MAP3K19: variants seen among roughly 807,000 people sequenced by gnomAD.
MAP3K19 encodes SPS1/STE20-related protein kinase YSK4.
A neutral mutation model predicts 114.4 loss-of-function variants in MAP3K19; 91 were observed. The ratio of observed to expected loss-of-function variants is 0.80; its 90% confidence interval spans 0.67 to 0.95. The LOEUF (loss-of-function observed/expected upper bound fraction) is 0.95. Ranked by LOEUF, MAP3K19 falls within the 40% of genes least tolerant of loss-of-function variation. The pLI, the probability that MAP3K19 is intolerant of heterozygous loss-of-function variation, is 0.00. For synonymous variants in MAP3K19, 518 were observed against 530.5 expected, an observed-to-expected ratio of 0.98 and a Z score of 0.32; for missense variants, 1,471 against 1,573.2, an observed-to-expected ratio of 0.94 and a Z score of 1.10.
chr2:135,036,637 ATGTGTGTGTGTGTGTGTGTGTGTGTGTG>A (rs57859657), intron 2 of MAP3K19, among the ~76,000 whole-genome samples: 18 of 140,296 alleles, frequency 1.3e-4, no homozygotes, highest in African/African-American at 4.2e-4. Context: ...GTTCAACATT[ATGTGTGTGTGTGTGTGTGTGTGTGTGTG>A]TGTGTGTGTG....
chr2:135,046,120 C>T (rs186858270), intron 1 of MAP3K19, among the ~76,000 whole-genome samples: 1 of 152,154 alleles, frequency 6.6e-6, no homozygotes, highest in East Asian at 1.9e-4. Flanking sequence ...TTTGTAGAGA[C>T]AGAGTCTCAC....
rs557761734 is a variant in MAP3K19 at position 134,983,763 on chromosome 2, C to A, written c.3135G>T (p.Lys1045Asn). The change falls in exon 11 of 13, where the codon AAG becomes AAT. Residue 1045 changes from lysine (K) to asparagine (N), a missense_variant. By Grantham distance (94) the Lys-to-Asn change is moderately conservative. Transcript: ENST00000392915. ...TTAAACTATTTTCAGAAAATATCTT[C>A]TTTTCATTTGAGATGAGAAATTTCT... ...REEKFLISNE[K>N]KIFSENSLKS... 4 of 1,606,598 alleles carry A rather than the reference C, an allele frequency of 2.5e-6. No individual in the cohort carries two copies. The Admixed American group carries it at 5.1e-5, about 21-fold the overall frequency.
rs79527370 is a variant in MAP3K19, at chr2:135,017,924, A to T, written c.138+3791T>A. Among the ~76,000 whole-genome samples, 1,079 of 152,344 alleles carry T rather than the reference A, an allele frequency of 7.1e-3. 12 individuals carry two copies. Among genetic ancestry groups the T allele is most frequent in the African/African-American group, 0.024 (1,009 of 41,564 alleles). On this transcript the variant is annotated intron_variant, in intron 5 of 12. Coordinates refer to ENST00000392915, the MANE Select transcript of MAP3K19 (RefSeq NM_025052.5). ...GTACCACTAAAAATGACAAAACGGT[A>T]CCAATTTGACAGTGACAATTTTAAG...
chr2:135,032,790 T>C (rs1165655590), intron 2 of MAP3K19, among the ~76,000 whole-genome samples: 1 of 147,854 alleles, frequency 6.8e-6, no homozygotes, highest in African/African-American at 2.5e-5. Context: ...CCCTGGGTAC[T>C]TGAGATTAGG....
At position 135,024,757 on chromosome 2, in the gene MAP3K19, T is replaced by A; in HGVS notation, c.-94-16A>T. The A allele has an allele frequency of 2.2e-6, 2 of 915,058 alleles. No individual in the cohort carries two copies. Among genetic ancestry groups the A allele is most frequent in the Non-Finnish European group, 3.5e-6 (2 of 575,694 alleles). The allele number at this position is 915,058 out of a possible 1,614,324, so 56.7% of individuals were successfully genotyped here. ...TTTAGGATCTCTAGGAAGAACAGAATCAACATTAAAGTTTATTTAGTTGAA... is the reference window on the plus strand; with the variant it reads ...TTTAGGATCTCTAGGAAGAACAGAAACAACATTAAAGTTTATTTAGTTGAA... On this transcript the variant is annotated splice_polypyrimidine_tract_variant and intron_variant, in intron 3 of 12. Transcript: ENST00000392915.
rs778827988 is a variant in MAP3K19, at chr2:134,991,523, A to T, written c.618+14T>A. 3.7e-6 allele frequency: 6 copies of T among 1,611,010 alleles called. No individual in the cohort carries two copies. The Admixed American group carries it at 1.0e-4, about 27-fold the overall frequency. Reference sequence around the variant, plus strand: ...TTTTAATTCTCAAGTCAAAAATGCTAGCACTAATCTTACCTTGATGCTTCG... The same window carrying T: ...TTTTAATTCTCAAGTCAAAAATGCTTGCACTAATCTTACCTTGATGCTTCG... On this transcript the variant is annotated intron_variant, in intron 9 of 12. Coordinates refer to ENST00000392915, the MANE Select transcript of MAP3K19 (RefSeq NM_025052.5).
intron 5 of MAP3K19, among the ~76,000 whole-genome samples, chr2:135,018,101 G>T (rs965856488): frequency 1.3e-5 from 2 of 152,032 alleles, no homozygotes; most frequent in African/African-American, 4.8e-5. Context: ...AGACCAGCCT[G>T]ACCAACATAG....
rs1352088986 is a variant in MAP3K19 at position 134,987,422 on chromosome 2, G to C, written c.1450C>G (p.Leu484Val). Residue 484 changes from leucine (L) to valine (V), a missense_variant, in exon 10 of 13, where the codon CTT (leucine) becomes GTT (valine). Transcript: ENST00000392915. ...TCCACAGGGAAGGTGATGTGGATAA[G>C]AGGCACCATCCTACTCATTTCTGGT... ...AKPEMSRMVP[L>V]IHITFPVDGS... is the part of the protein sequence containing the mutation. The C allele has an allele frequency of 6.2e-7, 1 of 1,614,144 alleles. No homozygotes were observed.
chr2:135,033,123 G>T (rs1688427845), intron 2 of MAP3K19, among the ~76,000 whole-genome samples: 1 of 123,172 alleles, frequency 8.1e-6, no homozygotes, highest in Non-Finnish European at 1.6e-5. Flanking sequence ...TCAATGAGCT[G>T]TTGGGTACAC....
At chr2:134,971,969 A>G (rs964265424) in intron 12 of MAP3K19, among the ~76,000 whole-genome samples, 3 of 151,078 alleles carry the variant, frequency 2.0e-5, no homozygotes, top group Non-Finnish European at 4.4e-5. Flanking sequence ...TAATTTTTGT[A>G]GGTACATGGT....
At chr2:135,042,019 A>C (rs1459234507) in intron 1 of MAP3K19, among the ~76,000 whole-genome samples, 1 of 152,216 alleles carries the variant, frequency 6.6e-6, no homozygotes, top group Non-Finnish European at 1.5e-5. Context: ...GAATTCAGCC[A>C]TTCATTAGGA....
intron 9 of MAP3K19, among the ~76,000 whole-genome samples, chr2:134,989,065 G>A (rs916742614): frequency 6.6e-6 from 1 of 152,088 alleles, no homozygotes; most frequent in Non-Finnish European, 1.5e-5. Flanking sequence ...TCATTTTTGT[G>A]GATGACAGGC....
chr2:135,045,612 C>G (rs1014768479), intron 1 of MAP3K19, among the ~76,000 whole-genome samples: 6 of 152,104 alleles, frequency 3.9e-5, no homozygotes, highest in African/African-American at 1.2e-4. Context: ...AAACATTTTT[C>G]CCCCAAGGTT....
intron 9 of MAP3K19, chr2:134,991,271 A>G (rs912718931): frequency 9.7e-6 from 4 of 414,292 alleles, no homozygotes; most frequent in Non-Finnish European, 9.1e-6. Flanking sequence ...ACTGCACTCT[A>G]GCCTGGGTGA....
rs188578108 is a variant in MAP3K19 at position 135,006,863 on chromosome 2, G to A, written c.139-1332C>T. On this transcript the variant is annotated intron_variant, in intron 5 of 12. Coordinates refer to ENST00000392915, the MANE Select transcript of MAP3K19 (RefSeq NM_025052.5). The stretch of plus-strand genomic sequence containing the variant: ...GAGAGAGAGAGAAAAAAGAAAAGAA[G>A]AAGAAAAGAAAAAGGAAATAAAAGT... Among the ~76,000 whole-genome samples, 37 of 148,592 alleles carry A rather than the reference G, an allele frequency of 2.5e-4. No homozygotes were observed. In the East Asian group the frequency reaches 6.6e-3, roughly 27 times the overall value.
chr2:135,039,581 A>T (rs1474518842), intron 2 of MAP3K19, among the ~76,000 whole-genome samples: 2 of 152,130 alleles, frequency 1.3e-5, no homozygotes, highest in African/African-American at 2.4e-5. Flanking sequence ...ACCCTGTCTC[A>T]AAAAACAAAA....
chr2:135,032,372 A>AGAGAG (rs1553434455), intron 2 of MAP3K19, among the ~76,000 whole-genome samples: 5 of 145,376 alleles, frequency 3.4e-5, no homozygotes, highest in Admixed American at 6.9e-5. Flanking sequence ...AAAAAAAAAA[A>AGAGAG]AGAAAAGAAA....
intron 5 of MAP3K19, among the ~76,000 whole-genome samples, chr2:135,010,203 G>T (rs1361228308): frequency 6.6e-6 from 1 of 151,984 alleles, no homozygotes; most frequent in African/African-American, 2.4e-5. Context: ...AAAGATGTGT[G>T]ATCCCTATAA....
chr2:134,998,697 T>C, intron 8 of MAP3K19, 41 bp downstream of exon 8: 1 of 1,552,890 alleles, frequency 6.4e-7, no homozygotes. Flanking sequence ...AAATATTTGT[T>C]GACCAAAAGG....
Sources: gnomAD v4.1 joint callset for allele counts (sites outside exome capture counted in the v4.1 genomes callset) on GRCh38, gnomAD v4.1.1 for gene constraint, MANE v1.5 for transcripts, NCBI Gene and HGNC (gene_info 2026-07-23, HGNC 2026-07-21) for gene names.